Variants in SSPN observed in about 807,000 individuals in gnomAD.
The protein encoded by SSPN is K-ras oncogene-associated protein.
SSPN carries 15 observed loss-of-function variants against 19.1 expected under a neutral mutation model. That is an observed-to-expected ratio of 0.78 (90% CI 0.52 to 1.21). SSPN has a LOEUF of 1.21. Among genes scored for constraint, SSPN ranks in the 50% most tolerant of loss-of-function variants. The probability of loss-of-function intolerance (pLI) is 0.00; values close to 1 mark genes in which losing one functional copy is unlikely to be tolerated. For missense variants in SSPN, 291 were observed against 314.0 expected (o/e 0.93, Z 0.55); for synonymous variants, 147 against 140.3 (o/e 1.05, Z -0.34).
At chr12:26,216,575 T>G (rs1236559854) in intron 1 of SSPN, among the ~76,000 whole-genome samples, 1 of 77,400 alleles carries the variant, frequency 1.3e-5, no homozygotes, top group African/African-American at 5.3e-5. Context: ...GCTCTTTAGT[T>G]TAATTAGATC....
chr12:26,171,818 G>A (rs967587839), intron 1 of SSPN, among the ~76,000 whole-genome samples: 28 of 152,060 alleles, frequency 1.8e-4, no homozygotes, highest in African/African-American at 6.5e-4. Flanking sequence ...AGAACATAAA[G>A]AGTTCCTAAA....
chr12:26,233,886 G>C lies in SSPN; in HGVS notation c.*2810G>C, dbSNP rs1029178303. 6.6e-6 allele frequency: 1 copy of C among 152,204 alleles called. No homozygotes were observed. Among genetic ancestry groups the C allele is most frequent in the Non-Finnish European group, 1.5e-5 (1 of 68,048 alleles). 9.4% of individuals were successfully genotyped at this position (152,204 alleles called of 1,614,324 possible). On this transcript the variant is annotated 3_prime_UTR_variant, in exon 3 of 3. Coordinates refer to ENST00000242729, the MANE Select transcript of SSPN (RefSeq NM_005086.5). The surrounding 1 kb of genome is among the most constrained non-coding windows in gnomAD (Gnocchi z 4.3). ...ACTTTGTAGCCGAGCCCACTCGATCGGTCTGTGCCTTCACGTGACCACCAT... is the reference window on the plus strand; with the variant it reads ...ACTTTGTAGCCGAGCCCACTCGATCCGTCTGTGCCTTCACGTGACCACCAT...
intron 1 of SSPN, among the ~76,000 whole-genome samples, chr12:26,200,436 T>C (rs893756992): frequency 6.6e-6 from 1 of 152,108 alleles, no homozygotes; most frequent in African/African-American, 2.4e-5. Context: ...GAAGGGAAAA[T>C]TGGGTGGTTA....
intron 1 of SSPN, among the ~76,000 whole-genome samples, chr12:26,186,444 A>AT (rs1473223153): frequency 1.3e-5 from 2 of 152,258 alleles, no homozygotes; most frequent in African/African-American, 4.8e-5. Flanking sequence ...ATTTCCTCAT[A>AT]TGCCAAATTG....
At position 26,124,799 on chromosome 12, in the gene SSPN, CCT is replaced by C; in HGVS notation, c.-31+2650_-31+2651del. On this transcript the variant is annotated intron_variant, in intron 1 of 2. Coordinates refer to the SSPN transcript ENST00000538142. ...GTCCATGTTCAACTGCTGTTCGTTT[CCT>C]CTGTTTCGATTTTTGGGGCTCTGTA... 4 of 1,614,036 alleles carry C rather than the reference CCT, an allele frequency of 2.5e-6. No individual in the cohort carries two copies. In the African/African-American group the frequency reaches 4.0e-5, roughly 16 times the overall value.
intron 1 of SSPN, chr12:26,126,146 G>C (rs1476924858): frequency 6.6e-6 from 1 of 152,214 alleles, no homozygotes; most frequent in Non-Finnish European, 1.5e-5. Flanking sequence ...GCTCGGCGCC[G>C]GGAATCACAG....
upstream of SSPN, chr12:26,195,475 G>T: frequency 2.0e-6 from 2 of 995,972 alleles, no homozygotes; most frequent in Non-Finnish European, 2.6e-6. Context: ...TTGGCAGTTG[G>T]CGACCCCCCT....
chr12:26,122,800 C>G, intron 1 of SSPN: 1 of 1,593,078 alleles, frequency 6.3e-7, no homozygotes, highest in Non-Finnish European at 8.5e-7. Context: ...TAGCCGCTGT[C>G]GGTGTCCGTG....
chr12:26,220,990 T>C (rs1370379543), intron 1 of SSPN, among the ~76,000 whole-genome samples: 1 of 152,242 alleles, frequency 6.6e-6, no homozygotes, highest in African/African-American at 2.4e-5. Flanking sequence ...CAATCCATTC[T>C]TCATAGCCAG....
intron 1 of SSPN, among the ~76,000 whole-genome samples, chr12:26,213,124 A>G (rs181716366): frequency 1.5e-4 from 20 of 131,526 alleles, no homozygotes; most frequent in African/African-American, 5.6e-4. Context: ...TTTAATTGAA[A>G]AGCATTTTTT....
intron 1 of SSPN, among the ~76,000 whole-genome samples, chr12:26,149,854 AT>A (rs1022994844): frequency 9.9e-5 from 15 of 151,392 alleles, no homozygotes; most frequent in South Asian, 4.2e-4. Flanking sequence ...TGCACCTGAA[AT>A]TTTTTTTTTA....
At chr12:26,223,066 C>T (rs904649932) in intron 1 of SSPN, among the ~76,000 whole-genome samples, 46 of 152,316 alleles carry the variant, frequency 3.0e-4, no homozygotes, top group African/African-American at 1.1e-3. Flanking sequence ...TTCTCACTGC[C>T]AACCCACCCA....
intron 2 of SSPN, among the ~76,000 whole-genome samples, chr12:26,228,233 C>CA (rs915617032): frequency 8.6e-5 from 13 of 151,080 alleles, no homozygotes; most frequent in East Asian, 1.9e-4. Flanking sequence ...CTGTCTCTAT[C>CA]AAAAAAAATA....
chr12:26,201,034 T>TATATATATA lies in SSPN; in HGVS notation c.279+5084_279+5092dup, dbSNP rs1565685482. Among the ~76,000 whole-genome samples the TATATATATA allele has an allele frequency of 2.9e-3, 160 of 55,848 alleles. 1 individual carries two copies. Among genetic ancestry groups the TATATATATA allele is most frequent in the African/African-American group, 9.7e-3 (151 of 15,610 alleles). 36.6% of individuals were successfully genotyped at this position (55,848 alleles called of 152,430 possible). Reference sequence around the variant, plus strand: ...GTGTATATATATATATATATATATATATATATATATATTATATATATATAT... The same window carrying TATATATATA: ...GTGTATATATATATATATATATATATATATATATAATATATATATATTATATATATATAT... On this transcript the variant is annotated intron_variant, in intron 1 of 2. Coordinates refer to ENST00000242729, the MANE Select transcript of SSPN (RefSeq NM_005086.5).
chr12:26,210,626 T>C (rs925418709), intron 1 of SSPN, among the ~76,000 whole-genome samples: 1 of 152,080 alleles, frequency 6.6e-6, no homozygotes, highest in African/African-American at 2.4e-5. Flanking sequence ...TCTTAATAGG[T>C]TCCAGGACTA....
At chr12:26,200,671 A>G (rs12822882) in intron 1 of SSPN, among the ~76,000 whole-genome samples, 1 of 152,178 alleles carries the variant, frequency 6.6e-6, no homozygotes, top group African/African-American at 2.4e-5. Flanking sequence ...TGTGGTGTTA[A>G]CTTTCTATAG....
At chr12:26,187,559 A>G (rs1179775188) in intron 1 of SSPN, among the ~76,000 whole-genome samples, 1 of 152,222 alleles carries the variant, frequency 6.6e-6, no homozygotes, top group Non-Finnish European at 1.5e-5. Context: ...ACGGCAAAAG[A>G]TCAGAAATAG....
chr12:26,186,604 C>G (rs1358020224), intron 1 of SSPN, among the ~76,000 whole-genome samples: 6 of 152,226 alleles, frequency 3.9e-5, no homozygotes, highest in Admixed American at 6.5e-5. Flanking sequence ...CATTTCAACA[C>G]ACTTTCTTTT....
chr12:26,218,368 C>T (rs200841907), intron 1 of SSPN, among the ~76,000 whole-genome samples: 7 of 45,930 alleles, frequency 1.5e-4, no homozygotes, highest in African/African-American at 6.8e-4. Flanking sequence ...GGGATAGCAT[C>T]GGGAGATATA....
Sources: allele counts gnomAD v4.1 joint callset (sites outside exome capture counted in the v4.1 genomes callset), GRCh38; gene constraint gnomAD v4.1.1; non-coding constraint Gnocchi (gnomAD v3.1); transcripts MANE v1.5; gene names NCBI Gene and HGNC (gene_info 2026-07-23, HGNC 2026-07-21).